Variants in UBTD1 observed in about 807,000 individuals in gnomAD.
The protein encoded by UBTD1 is ubiquitin domain-containing protein 1.
In UBTD1, 19 loss-of-function variants were observed where a neutral mutation model predicts 21.7. That is an observed-to-expected ratio of 0.87 (90% CI 0.61 to 1.28). The LOEUF (loss-of-function observed/expected upper bound fraction) is 1.28. UBTD1 is among the 50% of genes most tolerant of loss of function. The pLI, the probability that UBTD1 is intolerant of heterozygous loss-of-function variation, is 0.00. For synonymous variants in UBTD1, 116 were observed against 135.1 expected (o/e 0.86, Z 0.98); for missense variants, 282 against 315.1 (o/e 0.89, Z 0.80).
At chr10:97,531,102 T>G (rs1417347229) in intron 1 of UBTD1, among the ~76,000 whole-genome samples, 2 of 152,004 alleles carry the variant, frequency 1.3e-5, no homozygotes, top group Non-Finnish European at 2.9e-5. Context: ...TTAGCCAGGA[T>G]GGTCTCCATC....
At chr10:97,502,973 G>A (rs1749792800) in intron 1 of UBTD1, among the ~76,000 whole-genome samples, 1 of 151,168 alleles carries the variant, frequency 6.6e-6, no homozygotes. Context: ...CTGGAGTATG[G>A]TGGTGCAGTT....
At chr10:97,544,681 GA>G (rs1052504804) in intron 1 of UBTD1, among the ~76,000 whole-genome samples, 5 of 151,338 alleles carry the variant, frequency 3.3e-5, no homozygotes, top group East Asian at 3.9e-4. Context: ...GTAAGCTAGA[GA>G]AAAAAAAATG....
intron 1 of UBTD1, among the ~76,000 whole-genome samples, chr10:97,564,720 C>T (rs1301202290): frequency 2.0e-5 from 3 of 152,130 alleles, no homozygotes; most frequent in Admixed American, 6.5e-5. Flanking sequence ...CCTGCTGCCA[C>T]GCCCAGCTAA....
chr10:97,525,020 C>G (rs2040482124), intron 1 of UBTD1, among the ~76,000 whole-genome samples: 1 of 152,296 alleles, frequency 6.6e-6, no homozygotes, highest in South Asian at 2.1e-4. Flanking sequence ...TAACTAACAG[C>G]CTCACTACAG....
At chr10:97,505,275 T>G (rs2040393571) in intron 1 of UBTD1, among the ~76,000 whole-genome samples, 1 of 152,226 alleles carries the variant, frequency 6.6e-6, no homozygotes, top group Admixed American at 6.5e-5. Context: ...AAGGTATGTC[T>G]GTCCCCTGCC....
At position 97,533,357 on chromosome 10, in the gene UBTD1, C is replaced by T. The variant is rs554059578; in HGVS notation, c.70+34084C>T. 3.7e-4 allele frequency among the ~76,000 whole-genome samples: 57 copies of T among 152,360 alleles called. No homozygotes were observed. In the South Asian group the frequency reaches 0.012, roughly 31 times the overall value. ...CGTTTGGGCCAAAACAGGTGGTGGT[C>T]TCCTAGCACACAGCTACCAACTGCA... On this transcript the variant is annotated intron_variant, in intron 1 of 2. Coordinates refer to ENST00000370664, the MANE Select transcript of UBTD1 (RefSeq NM_024954.5).
chr10:97,499,209 CAACTGCGTGG>C lies in UBTD1; in HGVS notation c.7_16del (p.Asn3GlyfsTer24). On this transcript the variant is annotated frameshift_variant, in exon 1 of 3. Coordinates refer to ENST00000370664, the MANE Select transcript of UBTD1 (RefSeq NM_024954.5). LOFTEE classifies it high-confidence loss of function. ...GGACTGGCTGAGGAGCCAGCATGGG[CAACTGCGTGG>C]GGAGACAGCGCCGGGAGAGGCCGGC... is the stretch of plus-strand genomic sequence containing the variant. 7.1e-6 allele frequency: 11 copies of C among 1,546,530 alleles called. No individual in the cohort carries two copies. The highest frequency in any genetic ancestry group is 9.6e-6 in the Non-Finnish European group (11 of 1,145,212).
At chr10:97,515,781 T>C (rs761404636) in intron 1 of UBTD1, among the ~76,000 whole-genome samples, 35 of 152,174 alleles carry the variant, frequency 2.3e-4, no homozygotes, top group Non-Finnish European at 4.3e-4. Flanking sequence ...AAAGAGAGTC[T>C]GGTTGGCACA....
intron 1 of UBTD1, among the ~76,000 whole-genome samples, chr10:97,518,930 G>T (rs1170646021): frequency 6.6e-6 from 1 of 152,228 alleles, no homozygotes; most frequent in African/African-American, 2.4e-5. Flanking sequence ...GAAGTAAGTT[G>T]TATGATCATC....
intron 1 of UBTD1, among the ~76,000 whole-genome samples, chr10:97,541,280 C>G (rs1281033563): frequency 2.0e-5 from 3 of 152,016 alleles, no homozygotes; most frequent in Admixed American, 2.0e-4. Context: ...AATTTGAGAC[C>G]AGCTTGGGCA....
intron 1 of UBTD1, among the ~76,000 whole-genome samples, chr10:97,558,259 G>A (rs575469275): frequency 1.7e-4 from 26 of 152,252 alleles, no homozygotes; most frequent in African/African-American, 6.0e-4. Flanking sequence ...GTAAGGTGGC[G>A]GGGTTAGGGT....
intron 1 of UBTD1, among the ~76,000 whole-genome samples, chr10:97,545,611 G>C (rs1482533500): frequency 1.3e-5 from 2 of 152,186 alleles, no homozygotes; most frequent in African/African-American, 2.4e-5. Context: ...ATCTCCCTTA[G>C]ATGTGTGGCT....
At chr10:97,525,064 GAGA>G (rs557763495) in intron 1 of UBTD1, among the ~76,000 whole-genome samples, 371 of 152,346 alleles carry the variant, frequency 2.4e-3, no homozygotes, top group African/African-American at 8.4e-3. Context: ...TGTGTGCTGA[GAGA>G]AGAATATGCC....
At chr10:97,534,850 C>A (rs2040552358) in intron 1 of UBTD1, among the ~76,000 whole-genome samples, 2 of 152,242 alleles carry the variant, frequency 1.3e-5, no homozygotes, top group Non-Finnish European at 2.9e-5. Flanking sequence ...CAGCCCACAC[C>A]TCTGCCCAGA....
chr10:97,556,526 A>T (rs1282706862), intron 1 of UBTD1, among the ~76,000 whole-genome samples: 2 of 152,206 alleles, frequency 1.3e-5, no homozygotes, highest in African/African-American at 4.8e-5. Flanking sequence ...ATGGGGGTTC[A>T]ATATCCCCAT....
chr10:97,542,187 C>A (rs1318097504), intron 1 of UBTD1, among the ~76,000 whole-genome samples: 1 of 152,182 alleles, frequency 6.6e-6, no homozygotes, highest in Non-Finnish European at 1.5e-5. Flanking sequence ...GCCAGGCCCA[C>A]CACCCAGGCC....
intron 1 of UBTD1, among the ~76,000 whole-genome samples, chr10:97,557,627 T>A (rs778782974): frequency 6.6e-6 from 1 of 152,190 alleles, no homozygotes; most frequent in Non-Finnish European, 1.5e-5. Context: ...CTATCAATAG[T>A]GGCACAAGCA....
At chr10:97,523,403 A>G (rs377341976) in intron 1 of UBTD1, among the ~76,000 whole-genome samples, 1 of 152,070 alleles carries the variant, frequency 6.6e-6, no homozygotes, top group African/African-American at 2.4e-5. Flanking sequence ...GGCATCATTC[A>G]TCTCCATTTT....
intron 1 of UBTD1, among the ~76,000 whole-genome samples, chr10:97,544,810 G>A (rs2040601500): frequency 6.6e-6 from 1 of 152,096 alleles, no homozygotes; most frequent in South Asian, 2.1e-4. Flanking sequence ...GGGCAACATA[G>A]TGAGACCCTG....
Sources: allele counts gnomAD v4.1 joint callset (sites outside exome capture counted in the v4.1 genomes callset), GRCh38; gene constraint gnomAD v4.1.1; transcripts MANE v1.5; gene names NCBI Gene and HGNC (gene_info 2026-07-23, HGNC 2026-07-21).